Variants in AMD1 observed in about 807,000 individuals in gnomAD.
AMD1 encodes the protein S-adenosylmethionine decarboxylase proenzyme.
Under a neutral mutation model 40.2 loss-of-function variants are expected in AMD1, and 11 were observed. That is an observed-to-expected ratio of 0.27 (90% confidence interval 0.17 to 0.45). The LOEUF is 0.45. AMD1 is among the 20% of genes least tolerant of loss of function. The pLI is 1.00. For missense variants in AMD1, 257 were observed against 410.2 expected (o/e 0.63, Z 3.23); for synonymous variants, 121 against 130.8 (o/e 0.93, Z 0.51).
chr6:110,828,158 C>T, the AMD1 span, among the ~76,000 whole-genome samples: 153 of 152,164 alleles, frequency 1.0e-3, no homozygotes, highest in African/African-American at 3.2e-3. Flanking sequence ...TGGCCAGGCC[C>T]GGTGGCTCAC....
the AMD1 span, among the ~76,000 whole-genome samples, chr6:110,828,321 A>C: frequency 6.6e-6 from 1 of 151,910 alleles, no homozygotes; most frequent in Non-Finnish European, 1.5e-5. Context: ...AATTCCACCT[A>C]CTCGGGAGGC....
Position 110,890,330 on chromosome 6 carries a change from TAG to T in AMD1, c.404_405del (p.Glu135ValfsTer3). ...CCACACCGGAATTTCCAGGAAGAAA[TAG>T]AGTTTCTTAATGCAATTTTCCCAAG... On this transcript the variant is annotated frameshift_variant, in exon 4 of 9. Transcript: ENST00000368885. LOFTEE classifies it high-confidence loss of function. The T allele has an allele frequency of 1.3e-6, 2 of 1,598,566 alleles. No homozygotes were observed. The highest frequency in any genetic ancestry group is 1.7e-6 in the Non-Finnish European group (2 of 1,176,072).
the AMD1 span, among the ~76,000 whole-genome samples, chr6:110,820,386 A>G: frequency 6.6e-6 from 1 of 151,040 alleles, no homozygotes; most frequent in South Asian, 2.1e-4. Flanking sequence ...ATAGGCATGC[A>G]CTCGCATGCC....
chr6:110,886,222 CA>C (rs34012901), intron 1 of AMD1, among the ~76,000 whole-genome samples: 12,819 of 138,746 alleles, frequency 0.092, 483 homozygotes, highest in African/African-American at 0.12. Flanking sequence ...GACTCAGTCT[CA>C]AAAAAAAAAA....
At chr6:110,858,532 C>A in the AMD1 span, 1 of 1,595,934 alleles carries the variant, frequency 6.3e-7, no homozygotes, top group Non-Finnish European at 8.6e-7. Context: ...TGGTCAGCTA[C>A]GGCATGAACA....
the AMD1 span, among the ~76,000 whole-genome samples, chr6:110,866,792 G>A: frequency 6.6e-6 from 1 of 151,986 alleles, no homozygotes. Context: ...TGGTGGTATC[G>A]GTTTCTGAGC....
chr6:110,874,689 C>A (rs1318603599), upstream of AMD1: 1 of 155,392 alleles, frequency 6.4e-6, no homozygotes, highest in Non-Finnish European at 1.4e-5. Context: ...TGACAGGCGG[C>A]AGCAGCTATA....
rs200987912 is a variant in AMD1 at position 110,893,463 on chromosome 6, T to A, written c.865-13T>A. 4.5e-5 allele frequency: 73 copies of A among 1,612,046 alleles called. No individual in the cohort carries two copies. The highest frequency in any genetic ancestry group is 1.7e-4 in the Middle Eastern group (1 of 6,038). Reference sequence around the variant, plus strand: ...ATTGCAAACACTAACGGTTATTTAATTTTTTCCCCCAGAGTTCTAAATGTC... The same window carrying A: ...ATTGCAAACACTAACGGTTATTTAAATTTTTCCCCCAGAGTTCTAAATGTC... On this transcript the variant is annotated splice_polypyrimidine_tract_variant and intron_variant, in intron 8 of 8. Transcript: ENST00000368885.
intron 1 of AMD1, among the ~76,000 whole-genome samples, chr6:110,877,993 GAA>G (rs1160621581): frequency 6.6e-6 from 1 of 152,026 alleles, no homozygotes; most frequent in Non-Finnish European, 1.5e-5. Flanking sequence ...ATATGAGGGA[GAA>G]AAAAATCCTG....
chr6:110,873,952 A>T (rs1359341940), upstream of AMD1, among the ~76,000 whole-genome samples: 1 of 152,242 alleles, frequency 6.6e-6, no homozygotes, highest in Non-Finnish European at 1.5e-5. Flanking sequence ...TATATTTAAC[A>T]CATTCAGTTT....
chr6:110,861,820 G>A, the AMD1 span, among the ~76,000 whole-genome samples: 1 of 151,884 alleles, frequency 6.6e-6, no homozygotes, highest in South Asian at 2.1e-4. Context: ...CCAGCCACTT[G>A]CTCTTGCAAC....
At chr6:110,856,903 T>C in the AMD1 span, among the ~76,000 whole-genome samples, 47,546 of 151,964 alleles carry the variant, frequency 0.31, 8,229 homozygotes, top group East Asian at 0.67. Flanking sequence ...GTGGCTCACG[T>C]CTGTAATCCT....
the AMD1 span, among the ~76,000 whole-genome samples, chr6:110,820,880 C>T: frequency 2.0e-5 from 3 of 152,070 alleles, no homozygotes; most frequent in Non-Finnish European, 4.4e-5. Context: ...GATCGTGCCA[C>T]AGCACTCCAG....
At chr6:110,879,156 A>T (rs536603096) in intron 1 of AMD1, among the ~76,000 whole-genome samples, 1 of 152,314 alleles carries the variant, frequency 6.6e-6, no homozygotes, top group Admixed American at 6.5e-5. Context: ...TCTGGGCAAC[A>T]TAGTGAAATC....
chr6:110,861,579 T>C, the AMD1 span, among the ~76,000 whole-genome samples: 1 of 151,154 alleles, frequency 6.6e-6, no homozygotes, highest in African/African-American at 2.4e-5. Flanking sequence ...CGGTGGCTCA[T>C]GCCTGTAATC....
At chr6:110,847,300 C>T in the AMD1 span, among the ~76,000 whole-genome samples, 1 of 151,844 alleles carries the variant, frequency 6.6e-6, no homozygotes, top group African/African-American at 2.4e-5. Flanking sequence ...CCGAGGCAGG[C>T]GGATCACAAG....
At chr6:110,816,192 T>G in the AMD1 span, among the ~76,000 whole-genome samples, 5 of 152,230 alleles carry the variant, frequency 3.3e-5, no homozygotes, top group Non-Finnish European at 7.3e-5. Flanking sequence ...CAGCTTTCTC[T>G]TAGCATATGC....
At chr6:110,875,570 G>T (rs1017807109) in intron 1 of AMD1, 6 of 184,152 alleles carry the variant, frequency 3.3e-5, no homozygotes, top group Non-Finnish European at 5.6e-5. Flanking sequence ...AGTAGTTGGC[G>T]GCAGGGGCCC....
the AMD1 span, among the ~76,000 whole-genome samples, chr6:110,831,256 A>G: frequency 6.6e-6 from 1 of 151,824 alleles, no homozygotes; most frequent in African/African-American, 2.4e-5. Flanking sequence ...TGGCCAACAT[A>G]GTGAAACCCC....
Sources: allele counts gnomAD v4.1 joint callset (sites outside exome capture counted in the v4.1 genomes callset), GRCh38; gene constraint gnomAD v4.1.1; transcripts MANE v1.5; gene names NCBI Gene and HGNC (gene_info 2026-07-23, HGNC 2026-07-21).